OLFM1: variants seen among roughly 807,000 people sequenced by gnomAD.
OLFM1 encodes olfactomedin 1.
OLFM1 carries 9 observed loss-of-function variants against 49.7 expected under a neutral mutation model. The observed-to-expected ratio is 0.18, with a 90% CI of 0.11 to 0.32. OLFM1 has a LOEUF of 0.32. Among genes scored for constraint, OLFM1 ranks in the 10% least tolerant of loss-of-function variants. The pLI is 1.00. For missense variants in OLFM1, 369 were observed against 661.8 expected (o/e 0.56, Z 4.85); for synonymous variants, 240 against 271.8 (o/e 0.88, Z 1.15).
chr9:135,100,926 TTG>T (rs1205831739), intron 4 of OLFM1, among the ~76,000 whole-genome samples: 1 of 151,800 alleles, frequency 6.6e-6, no homozygotes, highest in Non-Finnish European at 1.5e-5. Context: ...AAATGATTGA[TTG>T]ATTGATTGAT....
At chr9:135,077,306 G>T (rs984722571) in intron 1 of OLFM1, 9 of 1,422,822 alleles carry the variant, frequency 6.3e-6, no homozygotes, top group Non-Finnish European at 7.3e-6. Context: ...GGTGGTCCTG[G>T]ACATGGCCGC....
intron 1 of OLFM1, among the ~76,000 whole-genome samples, chr9:135,078,572 A>G (rs1830496202): frequency 6.6e-6 from 1 of 152,232 alleles, no homozygotes; most frequent in Non-Finnish European, 1.5e-5. Flanking sequence ...GACATTTCAC[A>G]TGGTCTTGCT....
At chr9:135,087,162 C>A (rs1397060377), upstream of OLFM1, 2 of 1,299,404 alleles carry the variant, frequency 1.5e-6, no homozygotes, top group African/African-American at 1.5e-5. Flanking sequence ...TGCCCCGACG[C>A]CCCCCTGGCG....
chr9:135,096,185 C>T lies in OLFM1; in HGVS notation c.456+166C>T, dbSNP rs867157918. Among the ~76,000 whole-genome samples, 226 of 30,666 alleles carry T rather than the reference C, an allele frequency of 7.4e-3. 1 individual carries two copies. The highest frequency in any genetic ancestry group is 0.024 in the Middle Eastern group (1 of 42). The allele number at this position is 30,666 out of a possible 152,430, so 20.1% of individuals were successfully genotyped here. A position where few individuals can be genotyped will look rare whatever the true frequency, so the allele number is the denominator to read the frequency against. ...CCTCCTCCCTCTCCTTCTTCTCCTC[C>T]TCTTCCTCCTCCTCCCCCTCTTCAT... is the stretch of plus-strand genomic sequence containing the variant. On this transcript the variant is annotated intron_variant, in intron 3 of 5. Transcript: ENST00000371793.
intron 5 of OLFM1, among the ~76,000 whole-genome samples, chr9:135,115,877 G>A (rs764359338): frequency 6.6e-6 from 1 of 152,248 alleles, no homozygotes; most frequent in Non-Finnish European, 1.5e-5. Flanking sequence ...TGATGCCAGC[G>A]TCCGGCACAG....
intron 5 of OLFM1, among the ~76,000 whole-genome samples, chr9:135,107,562 T>C (rs1236110802): frequency 6.7e-6 from 1 of 150,034 alleles, no homozygotes; most frequent in Non-Finnish European, 1.5e-5. Context: ...ACAGGCAGCA[T>C]GGGCTTGTAG....
rs988920609 is a variant in OLFM1, at chr9:135,120,273, C to T, written c.*95C>T. ...AAGATACCAATAACACTAACAATAC[C>T]GATCTTGAAAAATCATCAGCAGTGC... is the stretch of plus-strand genomic sequence containing the variant. On this transcript the variant is annotated 3_prime_UTR_variant, in exon 6 of 6. Coordinates refer to ENST00000371793, the MANE Select transcript of OLFM1 (RefSeq NM_001282611.2). The T allele has an allele frequency of 1.4e-5, 15 of 1,063,634 alleles. No homozygotes were observed. Among genetic ancestry groups the T allele is most frequent in the South Asian group, 3.2e-5 (2 of 62,414 alleles). The allele number at this position is 1,063,634 out of a possible 1,614,324, so 65.9% of individuals were successfully genotyped here.
At chr9:135,111,966 C>A (rs145806072) in intron 5 of OLFM1, among the ~76,000 whole-genome samples, 1 of 152,196 alleles carries the variant, frequency 6.6e-6, no homozygotes, top group Admixed American at 6.5e-5. Context: ...CCACCTACAT[C>A]GGCCTCCCAA....
At position 135,120,331 on chromosome 9, in the gene OLFM1, G is replaced by C. The variant is rs949868047; in HGVS notation, c.*153G>C. ...GACATCGAGGGATGGCATTACCTCCGTGTTTCTCCCTTTCGAGCCGGCGGG... is the reference window on the plus strand; with the variant it reads ...GACATCGAGGGATGGCATTACCTCCCTGTTTCTCCCTTTCGAGCCGGCGGG... On this transcript the variant is annotated 3_prime_UTR_variant, in exon 6 of 6. Transcript: ENST00000371793. 10 of 700,304 alleles carry C rather than the reference G, an allele frequency of 1.4e-5. No individual in the cohort carries two copies. The highest frequency in any genetic ancestry group is 2.1e-5 in the Non-Finnish European group (9 of 431,792). 43.4% of individuals were successfully genotyped at this position (700,304 alleles called of 1,614,324 possible).
chr9:135,087,054 G>C (rs1588204590), upstream of OLFM1, among the ~76,000 whole-genome samples: 1 of 152,244 alleles, frequency 6.6e-6, no homozygotes, highest in East Asian at 1.9e-4. Context: ...TTGCTGTGCA[G>C]GTGTCAGGAG....
At chr9:135,107,561 A>T (rs1274855440) in intron 5 of OLFM1, among the ~76,000 whole-genome samples, 2 of 151,836 alleles carry the variant, frequency 1.3e-5, no homozygotes, top group Non-Finnish European at 2.9e-5. Flanking sequence ...TACAGGCAGC[A>T]TGGGCTTGTA....
rs74312164 is a variant in OLFM1 at position 135,112,785 on chromosome 9, G to A, written c.783+5930G>A. On this transcript the variant is annotated intron_variant, in intron 5 of 5. Coordinates refer to ENST00000371793, the MANE Select transcript of OLFM1 (RefSeq NM_001282611.2). ...GGCGTGAGAGCTTGCCTTCTGCAGG[G>A]GCACAGACGGACCACCACATGGGGC... Among the ~76,000 whole-genome samples the A allele has an allele frequency of 7.2e-3, 1,095 of 152,302 alleles. 38 individuals carry two copies. The East Asian group carries it at 0.08, about 11-fold the overall frequency.
chr9:135,116,406 G>A (rs1831096571), intron 5 of OLFM1, among the ~76,000 whole-genome samples: 1 of 152,136 alleles, frequency 6.6e-6, no homozygotes, highest in Admixed American at 6.5e-5. Context: ...GCGGTATCCT[G>A]TGTCATTTTG....
chr9:135,082,597 T>C (rs915183373), intron 1 of OLFM1, among the ~76,000 whole-genome samples: 8 of 152,200 alleles, frequency 5.3e-5, no homozygotes, highest in Non-Finnish European at 1.0e-4. Context: ...ACTTGAGTCC[T>C]TGAACCCCTG....
At position 135,117,767 on chromosome 9, in the gene OLFM1, G is replaced by T. The variant is rs570365334; in HGVS notation, c.784-1737G>T. On this transcript the variant is annotated intron_variant, in intron 5 of 5. Transcript: ENST00000371793. The surrounding 1 kb of genome is among the most constrained non-coding windows in gnomAD (Gnocchi z 5.5). ...CAAGCAAGCAGAGGGCAGGATTAGG[G>T]GCGAATGGCTGCACGTATACGCCTG... Among the ~76,000 whole-genome samples the T allele has an allele frequency of 2.0e-5, 3 of 152,290 alleles. No individual in the cohort carries two copies. The South Asian group carries it at 6.2e-4, about 32-fold the overall frequency.
chr9:135,091,706 C>CACACAT (rs1491134612), intron 2 of OLFM1, among the ~76,000 whole-genome samples: 191 of 6,616 alleles, frequency 0.029, 19 homozygotes, highest in South Asian at 0.28. Flanking sequence ...CACAGTCACA[C>CACACAT]TCACACATAG....
upstream of OLFM1, chr9:135,087,110 G>A (rs1454864886): frequency 3.5e-6 from 3 of 848,102 alleles, no homozygotes; most frequent in African/African-American, 3.6e-5. Flanking sequence ...AGGGCACCGC[G>A]GCTGCCCTGG....
intron 5 of OLFM1, among the ~76,000 whole-genome samples, chr9:135,107,066 G>A (rs974471017): frequency 7.9e-5 from 12 of 152,186 alleles, no homozygotes; most frequent in African/African-American, 2.9e-4. Context: ...GCCAGGGAGT[G>A]ACATGAGGTT....
rs187781447 is a variant in OLFM1 at position 135,079,350 on chromosome 9, G to A, written c.96+3548G>A. On this transcript the variant is annotated intron_variant, in intron 1 of 5. Coordinates refer to the OLFM1 transcript ENST00000252854. ...GAAGAAGAGGACAGAGGCTGGGTACGGTGGCTCATACCTTTAAGGCCAGCA... is the reference window on the plus strand; with the variant it reads ...GAAGAAGAGGACAGAGGCTGGGTACAGTGGCTCATACCTTTAAGGCCAGCA... 1.1e-3 allele frequency among the ~76,000 whole-genome samples: 165 copies of A among 152,224 alleles called. 1 individual carries two copies. The highest frequency in any genetic ancestry group is 7.4e-3 in the East Asian group (38 of 5,170).
Sources: gnomAD v4.1 joint callset for allele counts (sites outside exome capture counted in the v4.1 genomes callset) on GRCh38, gnomAD v4.1.1 for gene constraint, Gnocchi (gnomAD v3.1) non-coding constraint, MANE v1.5 for transcripts, NCBI Gene and HGNC (gene_info 2026-07-23, HGNC 2026-07-21) for gene names.